R3HDM2: variants seen among roughly 807,000 people sequenced by gnomAD.
The protein encoded by R3HDM2 is R3H domain containing 2, also known as R3H domain-containing protein 2.
In R3HDM2, 38 loss-of-function variants were observed where a neutral mutation model predicts 124.5. The observed-to-expected ratio is 0.31, with a 90% CI of 0.24 to 0.40. The LOEUF is 0.40. R3HDM2 is among the 10% of genes least tolerant of loss of function. R3HDM2 has a pLI of 1.00. For missense variants in R3HDM2, 869 were observed against 1,236.9 expected, an observed-to-expected ratio of 0.70 and a Z score of 4.46; for synonymous variants, 391 against 448.0, an observed-to-expected ratio of 0.87 and a Z score of 1.61.
chr12:57,336,273 A>T (rs2058836948), intron 2 of R3HDM2, among the ~76,000 whole-genome samples: 1 of 152,306 alleles, frequency 6.6e-6, no homozygotes, highest in East Asian at 1.9e-4. Flanking sequence ...CAGAACTACC[A>T]TTCAACCCAG....
chr12:57,335,148 A>G (rs150143822), intron 2 of R3HDM2, among the ~76,000 whole-genome samples: 88 of 151,712 alleles, frequency 5.8e-4, no homozygotes, highest in African/African-American at 2.0e-3. Flanking sequence ...TCACTACAAA[A>G]TATATAACAT....
intron 2 of R3HDM2, among the ~76,000 whole-genome samples, chr12:57,343,861 G>A (rs1222784093): frequency 3.3e-5 from 5 of 150,904 alleles, no homozygotes; most frequent in African/African-American, 7.3e-5. Context: ...GGGCCAAATC[G>A]ACCACTGAAA....
rs779831458 is a variant in R3HDM2, at chr12:57,266,724, C to A, written c.2131+7G>T. The A allele has an allele frequency of 6.4e-7, 1 of 1,564,500 alleles. No homozygotes were observed. ...TGCCCAAGACCCACAGTTCCTTATC[C>A]TCTTACCTGAGTACTGCTGTGGCAT... On this transcript the variant is annotated splice_region_variant and intron_variant, in intron 19 of 23. Coordinates refer to ENST00000402412, the MANE Select transcript of R3HDM2 (RefSeq NM_001394031.1).
intron 2 of R3HDM2, among the ~76,000 whole-genome samples, chr12:57,349,713 A>G (rs1451895668): frequency 6.6e-6 from 1 of 151,682 alleles, no homozygotes; most frequent in Non-Finnish European, 1.5e-5. Context: ...AGCATGTGCC[A>G]CCACGCCCGG....
In R3HDM2 at chr12:57,430,738, G is replaced by T; in HGVS notation, c.-124C>A. Reference sequence around the variant, plus strand: ...GCCTCACCTCGCACGGGCCTTGGCGGGGAGGGCGCCCACGTCTCCGCCCGC... The same window carrying T: ...GCCTCACCTCGCACGGGCCTTGGCGTGGAGGGCGCCCACGTCTCCGCCCGC... On this transcript the variant is annotated 5_prime_UTR_variant, in exon 1 of 24. Transcript: ENST00000402412. 7.8e-6 allele frequency: 2 copies of T among 255,608 alleles called. No individual in the cohort carries two copies. The highest frequency in any genetic ancestry group is 1.2e-5 in the Non-Finnish European group (2 of 164,442). The allele number at this position is 255,608 out of a possible 1,614,324, so 15.8% of individuals were successfully genotyped here.
intron 1 of R3HDM2, among the ~76,000 whole-genome samples, chr12:57,398,938 T>C (rs1168555559): frequency 6.6e-6 from 1 of 152,224 alleles, no homozygotes; most frequent in Non-Finnish European, 1.5e-5. Flanking sequence ...CAGCATAGCA[T>C]TGAAGAGTGC....
intron 14 of R3HDM2, among the ~76,000 whole-genome samples, chr12:57,278,275 A>G (rs1461540546): frequency 2.0e-5 from 3 of 152,236 alleles, no homozygotes; most frequent in African/African-American, 7.2e-5. Flanking sequence ...ACAATCCAGT[A>G]GCAGGGACAG....
intron 2 of R3HDM2, among the ~76,000 whole-genome samples, chr12:57,310,827 T>C (rs1826814310): frequency 6.6e-6 from 1 of 152,202 alleles, no homozygotes; most frequent in Non-Finnish European, 1.5e-5. Context: ...TGATCTGTTC[T>C]GTCACTACAG....
At chr12:57,268,892 G>A in intron 17 of R3HDM2, 30 bp downstream of exon 17, 2 of 1,608,152 alleles carry the variant, frequency 1.2e-6, no homozygotes, top group South Asian at 2.2e-5. Flanking sequence ...AAGGACTGGG[G>A]TGATCCTTCC....
intron 2 of R3HDM2, among the ~76,000 whole-genome samples, chr12:57,346,123 C>T (rs2060060717): frequency 6.8e-6 from 1 of 147,432 alleles, no homozygotes; most frequent in Admixed American, 6.8e-5. Context: ...TGCCATTGCA[C>T]TCCAGCCTGG....
intron 3 of R3HDM2, among the ~76,000 whole-genome samples, chr12:57,307,995 G>A (rs1437414830): frequency 2.6e-5 from 4 of 151,836 alleles, no homozygotes; most frequent in Non-Finnish European, 4.4e-5. Flanking sequence ...AGTCAGAGAG[G>A]AGGCAGGTCC....
At chr12:57,369,311 G>A (rs1364598480) in intron 2 of R3HDM2, among the ~76,000 whole-genome samples, 1 of 152,230 alleles carries the variant, frequency 6.6e-6, no homozygotes, top group Non-Finnish European at 1.5e-5. Context: ...CAGCTCTGCA[G>A]ATGATATGTG....
At chr12:57,401,180 C>CAA (rs761312612) in intron 1 of R3HDM2, among the ~76,000 whole-genome samples, 1 of 140,558 alleles carries the variant, frequency 7.1e-6, no homozygotes, top group African/African-American at 2.6e-5. Flanking sequence ...CAGTTCGTCT[C>CAA]AAAAAAAAAA....
intron 1 of R3HDM2, among the ~76,000 whole-genome samples, chr12:57,421,414 T>G (rs2070182802): frequency 6.7e-6 from 1 of 150,090 alleles, no homozygotes; most frequent in Non-Finnish European, 1.5e-5. Flanking sequence ...CCTCCCAAAG[T>G]GCTGGGATTA....
chr12:57,278,037 G>A (rs2137787703), intron 14 of R3HDM2, among the ~76,000 whole-genome samples: 2 of 152,298 alleles, frequency 1.3e-5, no homozygotes, highest in East Asian at 3.9e-4. Flanking sequence ...CAGTGAGATG[G>A]TGGGATAATT....
chr12:57,341,885 C>T (rs900916817), intron 2 of R3HDM2, among the ~76,000 whole-genome samples: 16 of 152,256 alleles, frequency 1.1e-4, no homozygotes, highest in Admixed American at 1.0e-3. Context: ...TAAGCTGCAT[C>T]TGAATGAAGC....
chr12:57,373,431 G>A (rs12820078), intron 2 of R3HDM2, among the ~76,000 whole-genome samples: 35,974 of 151,770 alleles, frequency 0.24, 4,620 homozygotes, highest in South Asian at 0.43. Context: ...CCCCAGAGGC[G>A]GAGCTTGCAG....
intron 2 of R3HDM2, among the ~76,000 whole-genome samples, chr12:57,388,399 G>A (rs1228582577): frequency 2.6e-5 from 4 of 152,228 alleles, no homozygotes; most frequent in Non-Finnish European, 5.9e-5. Flanking sequence ...TTATTTATTA[G>A]CGAAAGTAGG....
chr12:57,319,011 A>G (rs1359408150), intron 2 of R3HDM2, among the ~76,000 whole-genome samples: 1 of 152,190 alleles, frequency 6.6e-6, no homozygotes, highest in African/African-American at 2.4e-5. Flanking sequence ...CAAAAACCAG[A>G]AAGGAAAGTC....
Sources: allele counts gnomAD v4.1 joint callset (sites outside exome capture counted in the v4.1 genomes callset), GRCh38; gene constraint gnomAD v4.1.1; transcripts MANE v1.5; gene names NCBI Gene and HGNC (gene_info 2026-07-23, HGNC 2026-07-21).